Variants in GULP1 observed in about 807,000 individuals in gnomAD.
GULP1 encodes the protein PTB domain-containing engulfment adapter protein 1.
In GULP1, 19 loss-of-function variants were observed where a neutral mutation model predicts 40.9. The ratio of observed to expected loss-of-function variants is 0.46; its 90% CI spans 0.32 to 0.68. The LOEUF is 0.68. GULP1 is among the 30% of genes least tolerant of loss of function. GULP1 has a pLI of 0.03. For synonymous variants in GULP1, 119 were observed against 117.6 expected (o/e 1.01, Z -0.08); for missense variants, 312 against 362.2 (o/e 0.86, Z 1.12).
intron 1 of GULP1, among the ~76,000 whole-genome samples, chr2:188,373,332 T>C (rs2047862970): frequency 6.6e-6 from 1 of 151,916 alleles, no homozygotes; most frequent in South Asian, 2.1e-4. Context: ...AGATAAACTT[T>C]TATTTATTTA....
At chr2:188,468,839 C>T (rs1375857088) in intron 2 of GULP1, among the ~76,000 whole-genome samples, 1 of 151,968 alleles carries the variant, frequency 6.6e-6, no homozygotes, top group African/African-American at 2.4e-5. Flanking sequence ...GGGAGGGGGG[C>T]AATTGCAATA....
intron 1 of GULP1, among the ~76,000 whole-genome samples, chr2:188,295,649 A>G (rs1407999672): frequency 6.6e-6 from 1 of 152,166 alleles, no homozygotes; most frequent in Non-Finnish European, 1.5e-5. Flanking sequence ...GAGAAAACAG[A>G]ATAAGTATAG....
At chr2:188,481,964 A>C (rs2061477702) in intron 3 of GULP1, among the ~76,000 whole-genome samples, 1 of 148,700 alleles carries the variant, frequency 6.7e-6, no homozygotes, top group Non-Finnish European at 1.5e-5. Context: ...AATCACAAAA[A>C]GTATAGCTAA....
chr2:188,580,335 C>T (rs995549436), intron 9 of GULP1, among the ~76,000 whole-genome samples: 1 of 152,016 alleles, frequency 6.6e-6, no homozygotes, highest in African/African-American at 2.4e-5. Context: ...GGGCGGATCA[C>T]GAGGTCAGGA....
intron 4 of GULP1, among the ~76,000 whole-genome samples, chr2:188,509,867 G>A (rs1028547159): frequency 6.6e-6 from 1 of 152,070 alleles, no homozygotes; most frequent in African/African-American, 2.4e-5. Context: ...TTGAAGATGT[G>A]TGTGTAGCCT....
At chr2:188,380,378 G>A (rs1326940499) in intron 1 of GULP1, among the ~76,000 whole-genome samples, 1 of 152,124 alleles carries the variant, frequency 6.6e-6, no homozygotes, top group Non-Finnish European at 1.5e-5. Flanking sequence ...GGATAGGTGG[G>A]GAGTGTAAAC....
At chr2:188,556,624 A>AT (rs1360344094) in intron 7 of GULP1, among the ~76,000 whole-genome samples, 2 of 151,960 alleles carry the variant, frequency 1.3e-5, no homozygotes, top group African/African-American at 2.4e-5. Flanking sequence ...TATTTGTTTG[A>AT]TTTTTTTGTT....
At chr2:188,429,755 C>T (rs2056643365) in intron 2 of GULP1, among the ~76,000 whole-genome samples, 1 of 151,924 alleles carries the variant, frequency 6.6e-6, no homozygotes, top group Non-Finnish European at 1.5e-5. Flanking sequence ...GTTGCCCAGG[C>T]TGGAGTGCAG....
chr2:188,568,022 CTTTT>C (rs1402902358), intron 7 of GULP1, among the ~76,000 whole-genome samples: 2 of 151,814 alleles, frequency 1.3e-5, no homozygotes, highest in African/African-American at 2.4e-5. Context: ...ACTTTCTTGT[CTTTT>C]TTCTTTTCTT....
intron 2 of GULP1, among the ~76,000 whole-genome samples, chr2:188,388,167 T>C (rs1166228844): frequency 6.6e-6 from 1 of 151,964 alleles, no homozygotes; most frequent in Non-Finnish European, 1.5e-5. Context: ...TTACTGAGAA[T>C]GATGATTTCC....
At chr2:188,319,548 GCTA>G in intron 1 of GULP1, among the ~76,000 whole-genome samples, 1 of 152,228 alleles carries the variant, frequency 6.6e-6, no homozygotes, top group African/African-American at 2.4e-5. Flanking sequence ...TACCCAACTA[GCTA>G]CCACTGCTAG....
At chr2:188,472,553 T>A (rs148311355) in intron 2 of GULP1, among the ~76,000 whole-genome samples, 61 of 152,320 alleles carry the variant, frequency 4.0e-4, no homozygotes, top group African/African-American at 1.4e-3. Flanking sequence ...GTTTGGTCAA[T>A]TCTGCTATTA....
Position 188,383,894 on chromosome 2 carries a change from G to C in GULP1, c.-45+5G>C, listed in dbSNP as rs2049321130. 6.6e-6 allele frequency: 1 copy of C among 152,122 alleles called. No homozygotes were observed. The highest frequency in any genetic ancestry group is 1.5e-5 in the Non-Finnish European group (1 of 68,004). 9.4% of individuals were successfully genotyped at this position (152,122 alleles called of 1,614,324 possible). Reference sequence around the variant, plus strand: ...ACTATATTTGAGCATACCCAGGTAAGAATAAATGATTGTTTATACATTTTC... The same window carrying C: ...ACTATATTTGAGCATACCCAGGTAACAATAAATGATTGTTTATACATTTTC... On this transcript the variant is annotated splice_donor_5th_base_variant and intron_variant, in intron 2 of 11. Coordinates refer to ENST00000409830, the MANE Select transcript of GULP1 (RefSeq NM_016315.4).
intron 1 of GULP1, among the ~76,000 whole-genome samples, chr2:188,344,790 A>G (rs779414046): frequency 6.6e-6 from 1 of 152,180 alleles, no homozygotes; most frequent in Non-Finnish European, 1.5e-5. Context: ...ATTTTTTAAA[A>G]CTGTACTCAT....
At chr2:188,567,537 AAC>A (rs1447186349) in intron 7 of GULP1, among the ~76,000 whole-genome samples, 3 of 152,150 alleles carry the variant, frequency 2.0e-5, no homozygotes, top group Non-Finnish European at 4.4e-5. Flanking sequence ...CTAACACAGG[AAC>A]AGAAAACCAA....
intron 4 of GULP1, 67 bp from the exon 5 acceptor site, chr2:188,522,689 T>C (rs1575765457): frequency 1.5e-5 from 14 of 908,020 alleles, no homozygotes; most frequent in Non-Finnish European, 2.4e-5. Context: ...TGCAATCTTA[T>C]ATTTCAACAT....
At chr2:188,445,363 C>G (rs1379264171) in intron 2 of GULP1, among the ~76,000 whole-genome samples, 1 of 152,070 alleles carries the variant, frequency 6.6e-6, no homozygotes, top group Non-Finnish European at 1.5e-5. Flanking sequence ...AAGAGAGATT[C>G]AGAGACAGCA....
chr2:188,408,145 C>T (rs1177074719), intron 2 of GULP1, among the ~76,000 whole-genome samples: 1 of 152,102 alleles, frequency 6.6e-6, no homozygotes, highest in Non-Finnish European at 1.5e-5. Context: ...TCTTTACAAG[C>T]AGCAGAAGAG....
chr2:188,471,348 T>C (rs1208567643), intron 2 of GULP1, among the ~76,000 whole-genome samples: 2 of 152,070 alleles, frequency 1.3e-5, no homozygotes, highest in Non-Finnish European at 2.9e-5. Flanking sequence ...TTGGAGAGTT[T>C]CGTCCATTTA....
Sources: allele counts gnomAD v4.1 joint callset (sites outside exome capture counted in the v4.1 genomes callset), GRCh38; gene constraint gnomAD v4.1.1; transcripts MANE v1.5; gene names NCBI Gene and HGNC (gene_info 2026-07-23, HGNC 2026-07-21).